The following DNAAF11 variants were observed in gnomAD, a reference collection of about 807,000 sequenced individuals.
DNAAF11 encodes the protein dynein axonemal assembly factor 11.
DNAAF11 carries 45 observed loss-of-function variants against 60.8 expected under a neutral mutation model. The ratio of observed to expected loss-of-function variants is 0.74; its 90% CI spans 0.58 to 0.95. The LOEUF (loss-of-function observed/expected upper bound fraction) is 0.95, where lower values mean the gene tolerates loss of function less well. Ranked by LOEUF, DNAAF11 falls within the 40% of genes least tolerant of loss-of-function variation. The probability of loss-of-function intolerance (pLI) is 0.00; values close to 1 mark genes in which losing one functional copy is unlikely to be tolerated. For synonymous variants in DNAAF11, 191 were observed against 183.5 expected (o/e 1.04, Z -0.33); for missense variants, 546 against 546.2 (o/e 1.00, Z 0.00).
chr8:132,647,837 C>A (rs952744564), intron 3 of DNAAF11, among the ~76,000 whole-genome samples: 1 of 152,156 alleles, frequency 6.6e-6, no homozygotes, highest in Non-Finnish European at 1.5e-5. Context: ...CCTGAATAGA[C>A]CAATAACAGG....
chr8:132,585,181 G>A (rs560676499), intron 10 of DNAAF11, among the ~76,000 whole-genome samples: 3 of 152,290 alleles, frequency 2.0e-5, no homozygotes, highest in Admixed American at 6.5e-5. Flanking sequence ...CATCAAGCTC[G>A]GGGAGGTTTG....
At chr8:132,694,820 G>A in the DNAAF11 span, among the ~76,000 whole-genome samples, 2 of 152,128 alleles carry the variant, frequency 1.3e-5, no homozygotes, top group Non-Finnish European at 2.9e-5. Flanking sequence ...AGGAGTCATG[G>A]TTTACAGAGG....
At chr8:132,610,315 G>A in intron 9 of DNAAF11, 54 bp from the exon 10 acceptor site, 2 of 1,201,902 alleles carry the variant, frequency 1.7e-6, no homozygotes, top group Non-Finnish European at 2.5e-6. Context: ...TACATGAGAG[G>A]GTTACTAAAA....
intron 11 of DNAAF11, among the ~76,000 whole-genome samples, chr8:132,583,114 C>T (rs761859557): frequency 3.7e-4 from 56 of 152,176 alleles, no homozygotes; most frequent in Non-Finnish European, 6.6e-4. Context: ...GGTGAGGGTC[C>T]TGTTGGGAAA....
At chr8:132,578,247 T>C (rs1322650171) in intron 11 of DNAAF11, among the ~76,000 whole-genome samples, 2 of 152,192 alleles carry the variant, frequency 1.3e-5, no homozygotes, top group Non-Finnish European at 2.9e-5. Flanking sequence ...CATTGTTATC[T>C]GTGGCACAAC....
At chr8:132,613,893 A>G (rs1227850583) in intron 8 of DNAAF11, among the ~76,000 whole-genome samples, 1 of 152,242 alleles carries the variant, frequency 6.6e-6, no homozygotes, top group East Asian at 1.9e-4. Context: ...AAAGGCATTT[A>G]TTATAATTCA....
chr8:132,640,868 A>G (rs1821786995), intron 3 of DNAAF11, among the ~76,000 whole-genome samples: 1 of 152,172 alleles, frequency 6.6e-6, no homozygotes, highest in Non-Finnish European at 1.5e-5. Flanking sequence ...ATGTACCACT[A>G]AGCAAGAAAG....
upstream of DNAAF11, among the ~76,000 whole-genome samples, chr8:132,678,799 A>C (rs1031873140): frequency 4.0e-5 from 6 of 151,338 alleles, no homozygotes; most frequent in African/African-American, 7.3e-5. Flanking sequence ...TATAAGAATA[A>C]AAATAAATTT....
Position 132,610,882 on chromosome 8 carries a change from TTTTG to T in DNAAF11, c.1044+408_1044+411del, listed in dbSNP as rs1818593798. On this transcript the variant is annotated intron_variant, in intron 9 of 11. Coordinates refer to ENST00000620350, the MANE Select transcript of DNAAF11 (RefSeq NM_012472.6). The stretch of plus-strand genomic sequence containing the variant: ...TCCCTTTTTCTATGTTTTGTTTTAT[TTTTG>T]TTTATTTATTTATTTATTTATTTTT... 3.3e-5 allele frequency among the ~76,000 whole-genome samples: 5 copies of T among 151,076 alleles called. 1 individual carries two copies. In the South Asian group the frequency reaches 1.1e-3, roughly 32 times the overall value.
intron 1 of DNAAF11, among the ~76,000 whole-genome samples, chr8:132,666,128 C>T (rs758192025): frequency 2.6e-5 from 4 of 152,168 alleles, no homozygotes; most frequent in African/African-American, 7.2e-5. Context: ...GGTTGAAAAA[C>T]GACCTACTGG....
At chr8:132,614,903 C>A in intron 8 of DNAAF11, 135 bp downstream of exon 8, 1 of 519,304 alleles carries the variant, frequency 1.9e-6, no homozygotes, top group Non-Finnish European at 3.4e-6. Flanking sequence ...AGTAACTTCT[C>A]TGTCTTAACA....
the DNAAF11 span, chr8:132,687,740 T>C: frequency 4.4e-6 from 2 of 454,844 alleles, no homozygotes; most frequent in Non-Finnish European, 8.8e-6. Flanking sequence ...CAAATCTGCC[T>C]GACTCCAAAG....
chr8:132,665,429 G>C (rs1238598395), intron 1 of DNAAF11, among the ~76,000 whole-genome samples: 1 of 151,934 alleles, frequency 6.6e-6, no homozygotes, highest in Non-Finnish European at 1.5e-5. Flanking sequence ...AATTACGTGA[G>C]ATCATTCTAG....
intron 7 of DNAAF11, among the ~76,000 whole-genome samples, chr8:132,621,217 C>T (rs1819728302): frequency 6.6e-6 from 1 of 152,168 alleles, no homozygotes. Context: ...CAGCTGTCAG[C>T]CACAGAAGTG....
chr8:132,644,341 G>A (rs546434770), intron 3 of DNAAF11, among the ~76,000 whole-genome samples: 55 of 152,120 alleles, frequency 3.6e-4, no homozygotes, highest in Non-Finnish European at 7.1e-4. Flanking sequence ...CAATAAGGTT[G>A]CATTTAAAAC....
At chr8:132,698,204 A>G in the DNAAF11 span, among the ~76,000 whole-genome samples, 1 of 152,194 alleles carries the variant, frequency 6.6e-6, no homozygotes, top group Non-Finnish European at 1.5e-5. Flanking sequence ...AGACTAGAGT[A>G]AGTATGCACA....
Position 132,661,638 on chromosome 8 carries a change from ATG to A in DNAAF11, c.11-13_11-12del. ...TAAGATCTTCTGTGACTGGAAGAAA[ATG>A]TGTTACATATTACATTTCTGTCCCC... is the stretch of plus-strand genomic sequence containing the variant. On this transcript the variant is annotated splice_polypyrimidine_tract_variant and intron_variant, in intron 1 of 11. Coordinates refer to ENST00000620350, the MANE Select transcript of DNAAF11 (RefSeq NM_012472.6). The A allele has an allele frequency of 1.9e-6, 3 of 1,609,724 alleles. No individual in the cohort carries two copies. Among genetic ancestry groups the A allele is most frequent in the Non-Finnish European group, 2.6e-6 (3 of 1,176,070 alleles).
the DNAAF11 span, among the ~76,000 whole-genome samples, chr8:132,688,167 C>T: frequency 0.025 from 3,733 of 152,278 alleles, 168 homozygotes; most frequent in African/African-American, 0.085. Context: ...CGGCTCTCAA[C>T]ACCGTTGCAT....
upstream of DNAAF11, among the ~76,000 whole-genome samples, chr8:132,679,906 T>A (rs979720024): frequency 2.6e-5 from 4 of 152,184 alleles, no homozygotes; most frequent in Non-Finnish European, 4.4e-5. Flanking sequence ...CAGTCTCAGG[T>A]ATGTCTTTAT....
Sources: gnomAD v4.1 joint callset for allele counts (sites outside exome capture counted in the v4.1 genomes callset) on GRCh38, gnomAD v4.1.1 for gene constraint, MANE v1.5 for transcripts, NCBI Gene and HGNC (gene_info 2026-07-23, HGNC 2026-07-21) for gene names.